SORCS3: variants seen among roughly 807,000 people sequenced by gnomAD.
The protein encoded by SORCS3 is sortilin related VPS10 domain containing receptor 3, also known as VPS10 domain-containing receptor SorCS3.
In SORCS3, 57 loss-of-function variants were observed where a neutral mutation model predicts 146.3. The ratio of observed to expected loss-of-function variants is 0.39; its 90% CI spans 0.31 to 0.49. The LOEUF (loss-of-function observed/expected upper bound fraction) is 0.49. Ranked by LOEUF, SORCS3 falls within the 20% of genes least tolerant of loss-of-function variation. The pLI, the probability that SORCS3 is intolerant of heterozygous loss-of-function variation, is 0.92. For missense variants in SORCS3, 1,341 were observed against 1,575.5 expected, an observed-to-expected ratio of 0.85 and a Z score of 2.52; for synonymous variants, 653 against 618.5, an observed-to-expected ratio of 1.06 and a Z score of -0.83.
rs563648348 is a variant in SORCS3, at chr10:105,204,703, A to G, written c.2261+3450A>G. Among the ~76,000 whole-genome samples, 991 of 152,012 alleles carry G rather than the reference A, an allele frequency of 6.5e-3. 8 individuals carry two copies. Among genetic ancestry groups the G allele is most frequent in the Middle Eastern group, 0.014 (4 of 294 alleles). ...GGTCATAATCTCAGAACACAAACAA[A>G]AAAAAAACTCACACGACCTATAAAG... On this transcript the variant is annotated intron_variant, in intron 16 of 26. Transcript: ENST00000369701.
intron 1 of SORCS3, among the ~76,000 whole-genome samples, chr10:104,649,441 A>G (rs141718382): frequency 1.2e-3 from 176 of 152,336 alleles, no homozygotes; most frequent in African/African-American, 4.1e-3. Context: ...CACTCAAGAT[A>G]CTTTAGTTTA....
chr10:104,726,118 C>T (rs2016628989), intron 1 of SORCS3, among the ~76,000 whole-genome samples: 1 of 152,150 alleles, frequency 6.6e-6, no homozygotes, highest in African/African-American at 2.4e-5. Context: ...ATCTTTGATC[C>T]ACCCCAGTCT....
chr10:104,984,166 G>C (rs1195730091), intron 4 of SORCS3, among the ~76,000 whole-genome samples: 4 of 152,234 alleles, frequency 2.6e-5, no homozygotes, highest in African/African-American at 9.6e-5. Context: ...ATGTTAGAAG[G>C]TAGCAAGGGA....
intron 14 of SORCS3, among the ~76,000 whole-genome samples, chr10:105,189,076 A>G (rs889774803): frequency 6.6e-6 from 1 of 152,228 alleles, no homozygotes; most frequent in African/African-American, 2.4e-5. Context: ...TCATTTATCT[A>G]CATATGAATG....
chr10:104,749,486 T>A (rs2133467523), intron 1 of SORCS3, among the ~76,000 whole-genome samples: 1 of 152,272 alleles, frequency 6.6e-6, no homozygotes, highest in East Asian at 1.9e-4. Context: ...AAGGGTGGAT[T>A]TTAAAGGGAA....
At chr10:104,886,782 A>G (rs1223249616) in intron 2 of SORCS3, among the ~76,000 whole-genome samples, 1 of 152,190 alleles carries the variant, frequency 6.6e-6, no homozygotes, top group African/African-American at 2.4e-5. Flanking sequence ...CTTCCTAAAT[A>G]AAATGTTTTT....
intron 3 of SORCS3, among the ~76,000 whole-genome samples, chr10:104,947,345 A>C (rs1487513487): frequency 1.3e-5 from 2 of 152,146 alleles, no homozygotes; most frequent in Non-Finnish European, 2.9e-5. Context: ...ATCAGAAAGA[A>C]GGGCTGATAA....
intron 1 of SORCS3, among the ~76,000 whole-genome samples, chr10:104,799,517 G>A (rs181230600): frequency 2.3e-3 from 347 of 152,178 alleles, no homozygotes; most frequent in African/African-American, 8.0e-3. Flanking sequence ...ACACAGGGAG[G>A]GGAACATCAC....
intron 14 of SORCS3, among the ~76,000 whole-genome samples, chr10:105,178,424 A>T (rs2056421763): frequency 6.6e-6 from 1 of 152,196 alleles, no homozygotes; most frequent in Admixed American, 6.5e-5. Context: ...ATTATAGCAA[A>T]TTCCCATTTA....
intron 7 of SORCS3, among the ~76,000 whole-genome samples, chr10:105,108,060 A>G (rs979983588): frequency 6.7e-6 from 1 of 149,158 alleles, no homozygotes; most frequent in African/African-American, 2.5e-5. Context: ...TCTATCTACA[A>G]AATGTATCAG....
At chr10:104,819,148 G>C (rs2133526770) in intron 1 of SORCS3, among the ~76,000 whole-genome samples, 1 of 152,208 alleles carries the variant, frequency 6.6e-6, no homozygotes, top group African/African-American at 2.4e-5. Flanking sequence ...AATGTCACTT[G>C]AGAACTCTGA....
intron 2 of SORCS3, among the ~76,000 whole-genome samples, chr10:104,880,711 G>C (rs1307285647): frequency 2.0e-5 from 3 of 152,108 alleles, no homozygotes; most frequent in Non-Finnish European, 4.4e-5. Flanking sequence ...ACATTATCCA[G>C]CCCTCTATTA....
chr10:105,007,450 C>T (rs2055103289), intron 4 of SORCS3, among the ~76,000 whole-genome samples: 1 of 151,988 alleles, frequency 6.6e-6, no homozygotes, highest in Non-Finnish European at 1.5e-5. Flanking sequence ...ATTGTTATAC[C>T]CATCACTCAT....
intron 1 of SORCS3, among the ~76,000 whole-genome samples, chr10:104,770,681 A>G (rs887522157): frequency 6.7e-6 from 1 of 150,132 alleles, no homozygotes; most frequent in Non-Finnish European, 1.5e-5. Flanking sequence ...ATATATATAT[A>G]CATAGGCTGG....
chr10:104,755,096 G>C (rs915963049), intron 1 of SORCS3, among the ~76,000 whole-genome samples: 8 of 152,210 alleles, frequency 5.3e-5, no homozygotes, highest in African/African-American at 1.9e-4. Flanking sequence ...AGTATTAATA[G>C]TGTATAAATA....
Position 104,641,613 on chromosome 10 carries a change from G to C in SORCS3, c.286G>C (p.Gly96Arg), listed in dbSNP as rs2015417402. Reference protein sequence around the residue: ...GPELLPQQGGGRGGEMQVEAG... With the variant: ...GPELLPQQGGRRGGEMQVEAG... The stretch of plus-strand genomic sequence containing the variant: ...AGAGCTGCTGCCCCAGCAGGGCGGC[G>C]GCAGAGGCGGTGAGATGCAGGTGGA... Residue 96 changes from glycine (G) to arginine (R), a missense_variant, in exon 1 of 27, where the codon GGC becomes CGC. Physicochemically the swap from Gly to Arg is moderately radical, Grantham distance 125 (BLOSUM62 -2). Coordinates refer to ENST00000369701, the MANE Select transcript of SORCS3 (RefSeq NM_014978.3). The surrounding 1 kb of genome is among the most constrained non-coding windows in gnomAD (Gnocchi z 6.4). 13 of 1,518,342 alleles carry C rather than the reference G, an allele frequency of 8.6e-6. No individual in the cohort carries two copies. The highest frequency in any genetic ancestry group is 4.0e-5 in the Admixed American group (2 of 49,594). The allele number at this position is 1,518,342 out of a possible 1,614,324, so 94.1% of individuals were successfully genotyped here. A position where few individuals can be genotyped will look rare whatever the true frequency, so the allele number is the denominator to read the frequency against.
intron 2 of SORCS3, among the ~76,000 whole-genome samples, chr10:104,889,843 A>T (rs2133582107): frequency 6.6e-6 from 1 of 152,230 alleles, no homozygotes; most frequent in Non-Finnish European, 1.5e-5. Flanking sequence ...GTATCATTCT[A>T]ATAATTCTGC....
chr10:104,999,370 C>T (rs1259612508), intron 4 of SORCS3, among the ~76,000 whole-genome samples: 2 of 152,134 alleles, frequency 1.3e-5, no homozygotes, highest in Non-Finnish European at 2.9e-5. Context: ...GAGCTCAATC[C>T]CTCAGAAAGC....
At chr10:105,009,527 C>CAAAAAAAAAAAAAAAAAAA (rs35368294) in intron 4 of SORCS3, among the ~76,000 whole-genome samples, 35 of 105,184 alleles carry the variant, frequency 3.3e-4, no homozygotes, top group Non-Finnish European at 4.1e-4. Flanking sequence ...AACAAACAAA[C>CAAAAAAAAAAAAAAAAAAA]AAAAAAAAAA....
Sources: gnomAD v4.1 joint callset for allele counts (sites outside exome capture counted in the v4.1 genomes callset) on GRCh38, gnomAD v4.1.1 for gene constraint, Gnocchi (gnomAD v3.1) non-coding constraint, MANE v1.5 for transcripts, NCBI Gene and HGNC (gene_info 2026-07-23, HGNC 2026-07-21) for gene names.